ANOS1: variants seen among roughly 807,000 people sequenced by gnomAD.
ANOS1 encodes anosmin-1.
A neutral mutation model predicts 59.0 loss-of-function variants in ANOS1; 6 were observed. The observed-to-expected ratio is 0.10, with a 90% CI of 0.06 to 0.20. The LOEUF is 0.20. Ranked by LOEUF, ANOS1 falls within the 10% of genes least tolerant of loss-of-function variation. The pLI is 1.00. For missense variants in ANOS1, 433 were observed against 542.3 expected (o/e 0.80, Z 2.00); for synonymous variants, 217 against 223.4 (o/e 0.97, Z 0.25).
At chrX:8,577,342 A>G (rs1426817342) in intron 6 of ANOS1, among the ~76,000 whole-genome samples, 5 of 111,657 alleles carry the variant, frequency 4.5e-5, no homozygotes, top group Non-Finnish European at 7.5e-5. Flanking sequence ...GAGGCACACC[A>G]CAAGACCAGT....
chrX:8,589,568 T>C (rs11095490), intron 4 of ANOS1, among the ~76,000 whole-genome samples: 39,402 of 111,060 alleles, frequency 0.35, 5,072 homozygotes, highest in South Asian at 0.43. Context: ...CCCTTGGACA[T>C]TCTTATTCTA....
chrX:8,696,389 C>T lies in ANOS1; in HGVS notation c.255+3309G>A, dbSNP rs189906705. ...AGCTTGGGGAAATATAGATGTTTAA[C>T]ACAAGGTGACAATGTGCTCAGGTGA... On this transcript the variant is annotated intron_variant, in intron 2 of 13. Transcript: ENST00000262648. Among the ~76,000 whole-genome samples, 478 of 112,309 alleles carry T rather than the reference C, an allele frequency of 4.3e-3. 2 individuals are homozygous for T. The highest frequency in any genetic ancestry group is 0.015 in the African/African-American group (457 of 30,907).
chrX:8,688,857 G>A (rs1202756398), intron 2 of ANOS1, among the ~76,000 whole-genome samples: 1 of 111,954 alleles, frequency 8.9e-6, no homozygotes, highest in Non-Finnish European at 1.9e-5. Flanking sequence ...AGCTACCACA[G>A]GCTAATGATC....
chrX:8,543,681 T>A (rs1300304532), intron 9 of ANOS1, among the ~76,000 whole-genome samples: 1 of 110,019 alleles, frequency 9.1e-6, no homozygotes, highest in Non-Finnish European at 1.9e-5. Flanking sequence ...CTGGCCAGCA[T>A]GGTGAAACCC....
chrX:8,639,066 C>T (rs994231215), intron 2 of ANOS1, among the ~76,000 whole-genome samples: 2 of 111,746 alleles, frequency 1.8e-5, no homozygotes, highest in Admixed American at 1.9e-4. Context: ...AAAGACAGCA[C>T]TCGAAGGTCT....
rs1014500969 is a variant in ANOS1, at chrX:8,692,949, T to C, written c.255+6749A>G. Among the ~76,000 whole-genome samples, 6 of 112,176 alleles carry C rather than the reference T, an allele frequency of 5.3e-5. No individual in the cohort carries two copies. The East Asian group carries it at 1.7e-3, about 32-fold the overall frequency. Reference sequence around the variant, plus strand: ...GTTAAAAGGACCTAAGTCATGAACATAGGATGGGTAGAGAGAAGGATATTT... The same window carrying C: ...GTTAAAAGGACCTAAGTCATGAACACAGGATGGGTAGAGAGAAGGATATTT... On this transcript the variant is annotated intron_variant, in intron 2 of 13. Coordinates refer to ENST00000262648, the MANE Select transcript of ANOS1 (RefSeq NM_000216.4).
At chrX:8,701,175 C>T (rs1932753618) in intron 1 of ANOS1, among the ~76,000 whole-genome samples, 1 of 110,069 alleles carries the variant, frequency 9.1e-6, no homozygotes, top group African/African-American at 3.3e-5. Flanking sequence ...CTAGCAGAAA[C>T]CATCACCCAA....
rs181613529 is a variant in ANOS1, at chrX:8,535,334, A to G, written c.1842+257T>C. On this transcript the variant is annotated intron_variant, in intron 12 of 13. Transcript: ENST00000262648. ...AAAATGGCTCAATCACTTATATACA[A>G]GATAGGGTAAGGTCTTTTCATGAGT... 588 of 412,169 alleles carry G rather than the reference A, an allele frequency of 1.4e-3. 4 individuals carry two copies. Among genetic ancestry groups the G allele is most frequent in the African/African-American group, 0.014 (543 of 40,108 alleles). 34.0% of individuals were successfully genotyped at this position (412,169 alleles called of 1,213,427 possible).
chrX:8,671,376 C>A (rs898828429), intron 2 of ANOS1, among the ~76,000 whole-genome samples: 6 of 110,989 alleles, frequency 5.4e-5, no homozygotes, highest in Non-Finnish European at 1.1e-4. Flanking sequence ...TAGCATAGTA[C>A]CCTATTTTCT....
At chrX:8,666,900 GACA>G (rs201947242) in intron 2 of ANOS1, among the ~76,000 whole-genome samples, 1,562 of 111,680 alleles carry the variant, frequency 0.014, 23 homozygotes, top group African/African-American at 0.048. Flanking sequence ...GGGGGGCCCA[GACA>G]ACATCACCCC....
chrX:8,670,319 T>G (rs1255145658), intron 2 of ANOS1, among the ~76,000 whole-genome samples: 1 of 111,528 alleles, frequency 9.0e-6, no homozygotes, highest in African/African-American at 3.3e-5. Flanking sequence ...TAAAGTTTTA[T>G]TTTTCTAATC....
Position 8,621,556 on chromosome X carries a change from A to G in ANOS1, c.318+2052T>C, listed in dbSNP as rs1199559933. 4.5e-5 allele frequency among the ~76,000 whole-genome samples: 5 copies of G among 111,795 alleles called. No individual in the cohort carries two copies. In the Admixed American group the frequency reaches 4.8e-4, roughly 11 times the overall value. On this transcript the variant is annotated intron_variant, in intron 3 of 13. Coordinates refer to ENST00000262648, the MANE Select transcript of ANOS1 (RefSeq NM_000216.4). ...ATACCTCACAGAGCTGTGACCCACA[A>G]GCCTATAACACATAATACAAAGTAA...
chrX:8,649,705 C>T (rs959512451), intron 2 of ANOS1, among the ~76,000 whole-genome samples: 1 of 112,123 alleles, frequency 8.9e-6, no homozygotes, highest in African/African-American at 3.2e-5. Flanking sequence ...TAAAATTTCT[C>T]AACAATGGTA....
intron 9 of ANOS1, among the ~76,000 whole-genome samples, chrX:8,550,780 A>G (rs1291297137): frequency 9.4e-6 from 1 of 106,639 alleles, no homozygotes; most frequent in Non-Finnish European, 1.9e-5. Context: ...ATCAGAAGGA[A>G]AAAAAAAAAA....
chrX:8,622,606 C>A (rs777292245), intron 3 of ANOS1, among the ~76,000 whole-genome samples: 1 of 111,833 alleles, frequency 8.9e-6, no homozygotes, highest in East Asian at 2.8e-4. Context: ...CTCAACTGAG[C>A]TCTCCTGACT....
intron 2 of ANOS1, among the ~76,000 whole-genome samples, chrX:8,654,081 C>A (rs1931891149): frequency 9.0e-6 from 1 of 111,542 alleles, no homozygotes; most frequent in African/African-American, 3.3e-5. Context: ...AGCCTCAGAT[C>A]CTTCTCTGTC....
intron 6 of ANOS1, among the ~76,000 whole-genome samples, chrX:8,573,307 C>T: frequency 9.0e-6 from 1 of 111,080 alleles, no homozygotes. Context: ...AGGTGATCCA[C>T]TCGCCTTGGC....
intron 1 of ANOS1, among the ~76,000 whole-genome samples, chrX:8,704,255 A>C (rs1192780088): frequency 8.9e-6 from 1 of 111,921 alleles, no homozygotes; most frequent in Admixed American, 9.6e-5. Flanking sequence ...TATTAGCAGC[A>C]TGAGAACAGA....
intron 3 of ANOS1, among the ~76,000 whole-genome samples, chrX:8,621,403 T>C (rs1271345509): frequency 9.0e-6 from 1 of 110,894 alleles, no homozygotes; most frequent in East Asian, 2.8e-4. Context: ...GATGTATAGT[T>C]TGTGTATGGA....
Sources: gnomAD v4.1 joint callset for allele counts (sites outside exome capture counted in the v4.1 genomes callset) on GRCh38, gnomAD v4.1.1 for gene constraint, MANE v1.5 for transcripts, NCBI Gene and HGNC (gene_info 2026-07-23, HGNC 2026-07-21) for gene names.